SLC9A9: variants seen among roughly 807,000 people sequenced by gnomAD.
The protein encoded by SLC9A9 is solute carrier family 9 member A9.
In SLC9A9, 62 loss-of-function variants were observed where a neutral mutation model predicts 77.8. That is an observed-to-expected ratio of 0.80 (90% CI 0.65 to 0.98). The LOEUF is 0.98. Ranked by LOEUF, SLC9A9 falls within the 50% of genes least tolerant of loss-of-function variation. The pLI is 0.00. For missense variants in SLC9A9, 775 were observed against 774.9 expected, an observed-to-expected ratio of 1.00 and a Z score of 0.00; for synonymous variants, 320 against 283.5, an observed-to-expected ratio of 1.13 and a Z score of -1.29.
In SLC9A9 at chr3:143,506,374, T is replaced by C. The variant is rs549122612; in HGVS notation, c.1090-10926A>G. ...GAAGTGAATGGCATTTTTGGACCTA[T>C]ATAACTGTTAGAAATCCTTCCTTAT... On this transcript the variant is annotated intron_variant, in intron 9 of 15. Coordinates refer to ENST00000316549, the MANE Select transcript of SLC9A9 (RefSeq NM_173653.4). Among the ~76,000 whole-genome samples the C allele has an allele frequency of 3.9e-5, 6 of 152,358 alleles. No homozygotes were observed. The South Asian group carries it at 1.0e-3, about 26-fold the overall frequency.
chr3:143,466,857 A>G (rs1011260035), intron 12 of SLC9A9, among the ~76,000 whole-genome samples, 180 bp downstream of exon 12: 2 of 152,220 alleles, frequency 1.3e-5, no homozygotes, highest in African/African-American at 4.8e-5. Context: ...GCCTCCTGGA[A>G]AAGTCAGTGT....
At chr3:143,410,399 A>G (rs970604376) in intron 12 of SLC9A9, among the ~76,000 whole-genome samples, 2 of 152,028 alleles carry the variant, frequency 1.3e-5, no homozygotes, top group Non-Finnish European at 2.9e-5. Flanking sequence ...TGACCTCTCA[A>G]ACTTAGTCTT....
intron 14 of SLC9A9, among the ~76,000 whole-genome samples, chr3:143,339,277 G>C (rs1455113784): frequency 6.6e-6 from 1 of 152,098 alleles, no homozygotes; most frequent in African/African-American, 2.4e-5. Context: ...TGGCCCCTTG[G>C]ACAGGGCCCC....
intron 11 of SLC9A9, among the ~76,000 whole-genome samples, chr3:143,467,708 G>C (rs1212638618): frequency 7.3e-6 from 1 of 137,440 alleles, no homozygotes; most frequent in Non-Finnish European, 1.6e-5. Context: ...CTGAGTGACA[G>C]AATAAGTCCC....
intron 12 of SLC9A9, among the ~76,000 whole-genome samples, chr3:143,455,108 G>A (rs1473846385): frequency 6.6e-6 from 1 of 152,168 alleles, no homozygotes; most frequent in East Asian, 1.9e-4. Context: ...AGAAAATGCT[G>A]GGAGTCATCT....
chr3:143,427,810 G>T (rs569210705), intron 12 of SLC9A9, among the ~76,000 whole-genome samples: 2 of 152,084 alleles, frequency 1.3e-5, no homozygotes, highest in African/African-American at 4.8e-5. Context: ...CTTCCCTCAG[G>T]GTCTCTTACT....
intron 3 of SLC9A9, among the ~76,000 whole-genome samples, 186 bp from the exon 4 acceptor site, chr3:143,795,263 G>A (rs1379592379): frequency 7.2e-6 from 1 of 137,976 alleles, no homozygotes; most frequent in Non-Finnish European, 1.5e-5. Context: ...AAGGACTGGA[G>A]GGAAAAGTCA....
chr3:143,806,250 C>G (rs1395912647), intron 2 of SLC9A9, among the ~76,000 whole-genome samples: 1 of 152,118 alleles, frequency 6.6e-6, no homozygotes, highest in Non-Finnish European at 1.5e-5. Context: ...ATCTTTCAAG[C>G]TGCCTCTCAA....
At chr3:143,533,103 A>G (rs1490042972) in intron 9 of SLC9A9, among the ~76,000 whole-genome samples, 1 of 152,236 alleles carries the variant, frequency 6.6e-6, no homozygotes, top group Non-Finnish European at 1.5e-5. Context: ...AGAACATTGC[A>G]ACTCATTTAT....
intron 6 of SLC9A9, among the ~76,000 whole-genome samples, chr3:143,589,319 A>G (rs2037609921): frequency 6.6e-6 from 1 of 152,172 alleles, no homozygotes; most frequent in African/African-American, 2.4e-5. Context: ...TTAAAATTTC[A>G]CCTCATTTAA....
rs2036117096 is a variant in SLC9A9, at chr3:143,511,661, A to C, written c.1090-16213T>G. Among the ~76,000 whole-genome samples, 4 of 152,214 alleles carry C rather than the reference A, an allele frequency of 2.6e-5. No homozygotes were observed. In the South Asian group the frequency reaches 8.3e-4, roughly 32 times the overall value. On this transcript the variant is annotated intron_variant, in intron 9 of 15. Coordinates refer to ENST00000316549, the MANE Select transcript of SLC9A9 (RefSeq NM_173653.4). ...CAATGTTTTACTCCAGCAATACTGG[A>C]GGACCTTGTCCAGGCATAACTGGGG...
At chr3:143,763,039 G>A (rs557177790) in intron 4 of SLC9A9, among the ~76,000 whole-genome samples, 1 of 152,222 alleles carries the variant, frequency 6.6e-6, no homozygotes, top group African/African-American at 2.4e-5. Context: ...AGGAGGCGAT[G>A]GAACTATTGG....
chr3:143,400,535 C>T lies in SLC9A9; in HGVS notation c.1470-18421G>A, dbSNP rs115019318. Among the ~76,000 whole-genome samples the T allele has an allele frequency of 6.5e-4, 99 of 151,890 alleles. 2 individuals carry two copies. In the East Asian group the frequency reaches 0.018, roughly 27 times the overall value. ...TACATTGAACATTGGGGAGTCAGGGCAAAGGCTGGCAGGTGGGTGAGGGAT... is the reference window on the plus strand; with the variant it reads ...TACATTGAACATTGGGGAGTCAGGGTAAAGGCTGGCAGGTGGGTGAGGGAT... On this transcript the variant is annotated intron_variant, in intron 12 of 15. Coordinates refer to ENST00000316549, the MANE Select transcript of SLC9A9 (RefSeq NM_173653.4).
chr3:143,483,909 C>G (rs1305276670), intron 11 of SLC9A9, among the ~76,000 whole-genome samples: 1 of 148,704 alleles, frequency 6.7e-6, no homozygotes, highest in African/African-American at 2.4e-5. Flanking sequence ...AGGGCAGGGC[C>G]CTCATCTTTG....
intron 12 of SLC9A9, among the ~76,000 whole-genome samples, chr3:143,439,188 G>C (rs995180938): frequency 2.6e-5 from 4 of 152,198 alleles, no homozygotes; most frequent in African/African-American, 9.7e-5. Flanking sequence ...GGTTAACTCT[G>C]TTAATCCTCC....
At chr3:143,770,146 G>A (rs2007465892) in intron 4 of SLC9A9, among the ~76,000 whole-genome samples, 3 of 152,014 alleles carry the variant, frequency 2.0e-5, no homozygotes, top group Admixed American at 1.3e-4. Context: ...CAATCCCAAT[G>A]AAAACACCTA....
chr3:143,340,696 T>A (rs1323845848), intron 14 of SLC9A9, among the ~76,000 whole-genome samples: 1 of 152,206 alleles, frequency 6.6e-6, no homozygotes, highest in Non-Finnish European at 1.5e-5. Context: ...TTTTTGCCCT[T>A]ACCATATTCA....
chr3:143,582,103 C>T (rs1277053855), intron 6 of SLC9A9, among the ~76,000 whole-genome samples: 1 of 152,158 alleles, frequency 6.6e-6, no homozygotes, highest in Non-Finnish European at 1.5e-5. Flanking sequence ...AAATCACCAC[C>T]CACAAGATTT....
chr3:143,413,690 T>A (rs1367559726), intron 12 of SLC9A9, among the ~76,000 whole-genome samples: 1 of 152,192 alleles, frequency 6.6e-6, no homozygotes, highest in Non-Finnish European at 1.5e-5. Context: ...TGTGAGCCCC[T>A]TGAAGTAGTT....
Sources: gnomAD v4.1 joint callset for allele counts (sites outside exome capture counted in the v4.1 genomes callset) on GRCh38, gnomAD v4.1.1 for gene constraint, MANE v1.5 for transcripts, NCBI Gene and HGNC (gene_info 2026-07-23, HGNC 2026-07-21) for gene names.